Variants in FAM76A observed in about 807,000 individuals in gnomAD.
FAM76A encodes the protein family with sequence similarity 76 member A.
In FAM76A, 32 loss-of-function variants were observed where a neutral mutation model predicts 46.2. That is an observed-to-expected ratio of 0.69 (90% CI 0.52 to 0.93). The LOEUF is 0.93. Among genes scored for constraint, FAM76A ranks in the 40% least tolerant of loss-of-function variants. The pLI, the probability that FAM76A is intolerant of heterozygous loss-of-function variation, is 0.00. For missense variants in FAM76A, 274 were observed against 361.5 expected, an observed-to-expected ratio of 0.76 and a Z score of 1.96; for synonymous variants, 137 against 127.0, an observed-to-expected ratio of 1.08 and a Z score of -0.53.
intron 7 of FAM76A, among the ~76,000 whole-genome samples, chr1:27,756,344 G>C (rs2088408931): frequency 6.6e-6 from 1 of 151,850 alleles, no homozygotes. Context: ...TTTTGAGACA[G>C]AGTCTCTGTC....
intron 7 of FAM76A, among the ~76,000 whole-genome samples, chr1:27,758,462 A>C (rs1457851838): frequency 6.6e-6 from 1 of 152,298 alleles, no homozygotes; most frequent in East Asian, 1.9e-4. Flanking sequence ...CAAGATGAAC[A>C]CTTGTTTCTA....
At chr1:27,732,275 T>C (rs1214596588) in intron 2 of FAM76A, among the ~76,000 whole-genome samples, 3 of 151,984 alleles carry the variant, frequency 2.0e-5, no homozygotes, top group Non-Finnish European at 2.9e-5. Flanking sequence ...ATCAAAAATA[T>C]AAAAATTAGT....
chr1:27,731,573 C>T (rs904005942), intron 2 of FAM76A, among the ~76,000 whole-genome samples: 1 of 151,156 alleles, frequency 6.6e-6, no homozygotes, highest in Non-Finnish European at 1.5e-5. Context: ...TATGCCTTTA[C>T]TTATGAAGGA....
chr1:27,759,467 A>C, intron 7 of FAM76A, 59 bp from the exon 8 acceptor site: 1 of 1,259,130 alleles, frequency 7.9e-7, no homozygotes, highest in Non-Finnish European at 1.1e-6. Context: ...GCTCTCTGAA[A>C]GCAATTTTTT....
intron 4 of FAM76A, among the ~76,000 whole-genome samples, chr1:27,743,525 G>A (rs2088190267): frequency 6.6e-6 from 1 of 152,138 alleles, no homozygotes; most frequent in Non-Finnish European, 1.5e-5. Context: ...AGCACTTTGG[G>A]AGGCCAAGAC....
intron 6 of FAM76A, 125 bp from the exon 7 acceptor site, chr1:27,755,070 A>C: frequency 9.8e-7 from 1 of 1,021,532 alleles, no homozygotes; most frequent in Non-Finnish European, 1.5e-6. Context: ...GTGTGGTGCA[A>C]TGTGCTTGAT....
chr1:27,736,557 G>A (rs1055635522), intron 4 of FAM76A, among the ~76,000 whole-genome samples: 1 of 152,000 alleles, frequency 6.6e-6, no homozygotes, highest in East Asian at 1.9e-4. Context: ...ATGATGATTT[G>A]TTTTTGATAG....
intron 2 of FAM76A, among the ~76,000 whole-genome samples, chr1:27,731,091 C>T (rs1446328960): frequency 6.6e-6 from 1 of 152,078 alleles, no homozygotes; most frequent in African/African-American, 2.4e-5. Context: ...GATTTTTCCC[C>T]CGGGCAGCTT....
rs775021151 is a variant in FAM76A, at chr1:27,732,456, A to G, written c.147-147A>G. ...AATATTGAATAAAAATAAAAGAGTTATTAGAAAGGTACTCAAGCTAGTGTT... is the reference window on the plus strand; with the variant it reads ...AATATTGAATAAAAATAAAAGAGTTGTTAGAAAGGTACTCAAGCTAGTGTT... On this transcript the variant is annotated intron_variant, in intron 2 of 8. Coordinates refer to ENST00000373954, the MANE Select transcript of FAM76A (RefSeq NM_152660.3). The G allele has an allele frequency of 1.3e-4, 68 of 522,230 alleles. 1 individual carries two copies. Among genetic ancestry groups the G allele is most frequent in the Admixed American group, 4.5e-4 (15 of 33,040 alleles). The allele number at this position is 522,230 out of a possible 1,614,324, so 32.3% of individuals were successfully genotyped here.
At chr1:27,731,467 A>G (rs1180247561) in intron 2 of FAM76A, among the ~76,000 whole-genome samples, 2 of 152,024 alleles carry the variant, frequency 1.3e-5, no homozygotes, top group African/African-American at 4.8e-5. Flanking sequence ...TGGCCTCCCA[A>G]AGTGCTGGGA....
intron 4 of FAM76A, among the ~76,000 whole-genome samples, chr1:27,742,789 A>G (rs2088176509): frequency 6.6e-6 from 1 of 152,160 alleles, no homozygotes; most frequent in Non-Finnish European, 1.5e-5. Context: ...GGCGAGGTGC[A>G]GTGGCTCACG....
chr1:27,732,855 A>T (rs1300607562), intron 3 of FAM76A, among the ~76,000 whole-genome samples, 198 bp downstream of exon 3: 1 of 152,154 alleles, frequency 6.6e-6, no homozygotes, highest in Admixed American at 6.6e-5. Flanking sequence ...CACTGCCAGG[A>T]TTATGATTAT....
At chr1:27,753,894 A>G (rs543501143) in intron 6 of FAM76A, among the ~76,000 whole-genome samples, 1 of 152,262 alleles carries the variant, frequency 6.6e-6, no homozygotes, top group Non-Finnish European at 1.5e-5. Flanking sequence ...TGTCCTGGGA[A>G]AAGTAAAGAG....
chr1:27,727,352 G>GT (rs1430777459), intron 1 of FAM76A, 120 bp from the exon 2 acceptor site: 7 of 759,616 alleles, frequency 9.2e-6, no homozygotes, highest in Non-Finnish European at 1.6e-5. Context: ...GGCCCAGAAA[G>GT]TTTAAGTGAC....
chr1:27,727,296 A>G (rs1412091474), intron 1 of FAM76A, among the ~76,000 whole-genome samples, 176 bp from the exon 2 acceptor site: 5 of 152,166 alleles, frequency 3.3e-5, no homozygotes, highest in Non-Finnish European at 7.3e-5. Context: ...TAACTCCCAC[A>G]TCAACAGTAG....
chr1:27,754,398 G>C (rs573211589), intron 6 of FAM76A, among the ~76,000 whole-genome samples: 4 of 152,246 alleles, frequency 2.6e-5, no homozygotes, highest in African/African-American at 9.6e-5. Context: ...GAGCCACCGC[G>C]CCCGGCCTAA....
intron 1 of FAM76A, among the ~76,000 whole-genome samples, chr1:27,727,049 C>A (rs1218021611): frequency 3.3e-5 from 5 of 152,134 alleles, no homozygotes; most frequent in African/African-American, 1.2e-4. Context: ...AATGCAAGTG[C>A]TTGAGTGCCC....
intron 4 of FAM76A, 139 bp downstream of exon 4, chr1:27,734,322 TGGATCATGA>T: frequency 2.6e-6 from 2 of 760,084 alleles, no homozygotes; most frequent in East Asian, 6.7e-5. Context: ...CCGAGGCTAG[TGGATCATGA>T]GGTCAGGAGA....
In FAM76A at chr1:27,747,956, T is replaced by C. The variant is rs115070146; in HGVS notation, c.513-1112T>C. 9.4e-3 allele frequency among the ~76,000 whole-genome samples: 1,425 copies of C among 151,584 alleles called. 33 individuals are homozygous for C. Among genetic ancestry groups the C allele is most frequent in the African/African-American group, 0.033 (1,357 of 41,306 alleles). On this transcript the variant is annotated intron_variant, in intron 5 of 8. Coordinates refer to ENST00000373954, the MANE Select transcript of FAM76A (RefSeq NM_152660.3). ...AATAAAAATAAAACTAGACTAGGAGTTCAAATATATTGACCTGGTTTCTAG... is the reference window on the plus strand; with the variant it reads ...AATAAAAATAAAACTAGACTAGGAGCTCAAATATATTGACCTGGTTTCTAG...
Sources: gnomAD v4.1 joint callset for allele counts (sites outside exome capture counted in the v4.1 genomes callset) on GRCh38, gnomAD v4.1.1 for gene constraint, MANE v1.5 for transcripts, NCBI Gene and HGNC (gene_info 2026-07-23, HGNC 2026-07-21) for gene names.